Variants in ACOXL observed in about 807,000 individuals in gnomAD.
The protein encoded by ACOXL is acyl-CoA oxidase like.
Under a neutral mutation model 71.9 loss-of-function variants are expected in ACOXL, and 70 were observed. The observed-to-expected ratio is 0.97, with a 90% confidence interval of 0.80 to 1.19. The LOEUF (loss-of-function observed/expected upper bound fraction) is 1.19, where lower values mean the gene tolerates loss of function less well. Ranked by LOEUF, ACOXL falls within the 50% of genes most tolerant of loss-of-function variation. The pLI is 0.00. For missense variants in ACOXL, 703 were observed against 736.3 expected (o/e 0.95, Z 0.52); for synonymous variants, 253 against 281.6 (o/e 0.90, Z 1.02).
chr2:110,803,370 G>A (rs943678540), intron 8 of ACOXL, among the ~76,000 whole-genome samples: 1 of 152,200 alleles, frequency 6.6e-6, no homozygotes, highest in African/African-American at 2.4e-5. Flanking sequence ...AATCCTTACA[G>A]TTACAATCAA....
At chr2:111,117,306 A>C (rs1292049525) in intron 17 of ACOXL, among the ~76,000 whole-genome samples, 3 of 152,170 alleles carry the variant, frequency 2.0e-5, no homozygotes, top group Admixed American at 6.5e-5. Flanking sequence ...AGCTTTAATA[A>C]ATTCTCAGAC....
intron 5 of ACOXL, among the ~76,000 whole-genome samples, chr2:110,796,537 A>C (rs1031493039): frequency 1.3e-5 from 2 of 152,198 alleles, no homozygotes; most frequent in Admixed American, 6.5e-5. Context: ...GCAAATGTTT[A>C]TGGGGACGGG....
intron 10 of ACOXL, among the ~76,000 whole-genome samples, chr2:110,889,704 T>A (rs1280608094): frequency 6.6e-6 from 1 of 152,226 alleles, no homozygotes; most frequent in Non-Finnish European, 1.5e-5. Context: ...ATAGTATTCC[T>A]TTGTATACCT....
intron 2 of ACOXL, among the ~76,000 whole-genome samples, chr2:110,780,904 C>T (rs547273618): frequency 1.3e-5 from 2 of 152,162 alleles, no homozygotes; most frequent in Admixed American, 1.3e-4. Flanking sequence ...TGATGGCAGA[C>T]CTGTCATCCC....
At chr2:110,989,886 T>C in intron 13 of ACOXL, among the ~76,000 whole-genome samples, 1 of 151,812 alleles carries the variant, frequency 6.6e-6, no homozygotes, top group African/African-American at 2.4e-5. Context: ...ACTAAAAACA[T>C]AAAATTAGCC....
intron 12 of ACOXL, among the ~76,000 whole-genome samples, chr2:110,961,069 C>A (rs2061684508): frequency 6.6e-6 from 1 of 152,190 alleles, no homozygotes; most frequent in Non-Finnish European, 1.5e-5. Context: ...ATAAATACAC[C>A]TTGTTACTTT....
At chr2:110,765,870 A>G (rs1680988515) in intron 1 of ACOXL, among the ~76,000 whole-genome samples, 2 of 152,234 alleles carry the variant, frequency 1.3e-5, no homozygotes, top group Admixed American at 1.3e-4. Context: ...CATTTAGACC[A>G]TAGCAATCTG....
chr2:110,954,770 T>C (rs1184411165), intron 12 of ACOXL, among the ~76,000 whole-genome samples: 1 of 151,814 alleles, frequency 6.6e-6, no homozygotes, highest in African/African-American at 2.4e-5. Flanking sequence ...CTTGCATCTC[T>C]GTAGTCATTT....
At chr2:110,942,908 A>AGG (rs1271693364) in intron 12 of ACOXL, among the ~76,000 whole-genome samples, 1 of 140,946 alleles carries the variant, frequency 7.1e-6, no homozygotes, top group East Asian at 2.4e-4. Context: ...GAAGGAAGGG[A>AGG]GGGAGGGAAA....
chr2:110,939,461 TCAA>T (rs1339807967), intron 12 of ACOXL, among the ~76,000 whole-genome samples: 1 of 152,244 alleles, frequency 6.6e-6, no homozygotes, highest in African/African-American at 2.4e-5. Flanking sequence ...GGATATTACT[TCAA>T]CTCTTTACTA....
intron 11 of ACOXL, among the ~76,000 whole-genome samples, chr2:110,923,170 C>T (rs969731074): frequency 2.6e-5 from 4 of 152,128 alleles, no homozygotes; most frequent in South Asian, 2.1e-4. Flanking sequence ...GCACATTCTG[C>T]GACAACGTTC....
chr2:110,749,903 A>G (rs376558439), intron 1 of ACOXL, among the ~76,000 whole-genome samples: 1 of 152,134 alleles, frequency 6.6e-6, no homozygotes, highest in Admixed American at 6.5e-5. Context: ...CATGCTTTCC[A>G]TGACCTGGCT....
At chr2:110,959,341 C>G (rs1449405792) in intron 12 of ACOXL, among the ~76,000 whole-genome samples, 1 of 152,216 alleles carries the variant, frequency 6.6e-6, no homozygotes, top group African/African-American at 2.4e-5. Flanking sequence ...TCCTGCTCTT[C>G]TCCCAGCCCT....
chr2:110,747,349 G>C (rs1678355248), intron 1 of ACOXL, among the ~76,000 whole-genome samples: 1 of 152,164 alleles, frequency 6.6e-6, no homozygotes, highest in Non-Finnish European at 1.5e-5. Context: ...GAGCCTGCAA[G>C]CCAGCAGACT....
At chr2:110,798,505 C>T in intron 5 of ACOXL, 105 bp from the exon 6 acceptor site, 1 of 854,844 alleles carries the variant, frequency 1.2e-6, no homozygotes, top group Non-Finnish European at 2.0e-6. Flanking sequence ...ATCCACCCAC[C>T]TCGGCCCCCC....
intron 14 of ACOXL, among the ~76,000 whole-genome samples, chr2:110,997,917 A>C (rs986064926): frequency 1.3e-5 from 2 of 152,078 alleles, no homozygotes; most frequent in African/African-American, 4.8e-5. Context: ...CAGGTGTGGC[A>C]GCACATTCCT....
At chr2:110,954,619 C>A (rs1394975635) in intron 12 of ACOXL, among the ~76,000 whole-genome samples, 1 of 152,180 alleles carries the variant, frequency 6.6e-6, no homozygotes, top group Non-Finnish European at 1.5e-5. Context: ...CATGAGCTCC[C>A]ACCCTCTAAA....
intron 14 of ACOXL, among the ~76,000 whole-genome samples, chr2:111,000,673 C>T (rs1172439717): frequency 6.6e-6 from 1 of 152,198 alleles, no homozygotes; most frequent in Non-Finnish European, 1.5e-5. Flanking sequence ...GCTTGATATT[C>T]CTTGGCTTGC....
At chr2:111,020,374 C>T (rs548505886) in intron 14 of ACOXL, among the ~76,000 whole-genome samples, 1 of 152,234 alleles carries the variant, frequency 6.6e-6, no homozygotes, top group African/African-American at 2.4e-5. Context: ...GGTGGGAGCT[C>T]CCAGGAGGAT....
Sources: allele counts gnomAD v4.1 joint callset (sites outside exome capture counted in the v4.1 genomes callset), GRCh38; gene constraint gnomAD v4.1.1; transcripts MANE v1.5; gene names NCBI Gene and HGNC (gene_info 2026-07-23, HGNC 2026-07-21).